The following ATP8A2 variants were observed in gnomAD, a reference collection of about 807,000 sequenced individuals.
ATP8A2 encodes the protein phospholipid-transporting ATPase IB.
In ATP8A2, 100 loss-of-function variants were observed where a neutral mutation model predicts 165.6. The observed-to-expected ratio is 0.60, with a 90% CI of 0.51 to 0.71. The LOEUF (loss-of-function observed/expected upper bound fraction) is 0.71, where lower values mean the gene tolerates loss of function less well. Among genes scored for constraint, ATP8A2 ranks in the 30% least tolerant of loss-of-function variants. The probability of loss-of-function intolerance (pLI) is 0.00; values close to 1 mark genes in which losing one functional copy is unlikely to be tolerated. For missense variants in ATP8A2, 1,227 were observed against 1,479.5 expected (o/e 0.83, Z 2.80); for synonymous variants, 543 against 548.8 (o/e 0.99, Z 0.15).
At chr13:25,611,285 TTGTC>T (rs1316497052) in intron 24 of ATP8A2, among the ~76,000 whole-genome samples, 1 of 152,152 alleles carries the variant, frequency 6.6e-6, no homozygotes, top group Non-Finnish European at 1.5e-5. Flanking sequence ...GACTGTGGGT[TTGTC>T]ATAGATGACT....
rs1317587688 is a variant in ATP8A2, at chr13:25,543,282, T to A, written c.780-9T>A. The A allele has an allele frequency of 6.4e-7, 1 of 1,551,118 alleles. No individual in the cohort carries two copies. Among genetic ancestry groups the A allele is most frequent in the Admixed American group, 1.7e-5 (1 of 57,640 alleles). ...ATCATTAAATATCATTGTTGTTTTT[T>A]ATTTTTAGCCTTGTTGCCCTTGGGC... On this transcript the variant is annotated splice_polypyrimidine_tract_variant and intron_variant, in intron 9 of 36. Transcript: ENST00000381655.
intron 1 of ATP8A2, among the ~76,000 whole-genome samples, chr13:25,394,501 C>T (rs1369343055): frequency 2.6e-5 from 4 of 152,168 alleles, no homozygotes; most frequent in African/African-American, 4.8e-5. Context: ...GCTGTGCCCC[C>T]GAGCCTGAGG....
rs184627689 is a variant in ATP8A2 at position 25,526,644 on chromosome 13, G to A, written c.222-3355G>A. On this transcript the variant is annotated intron_variant, in intron 2 of 36. Transcript: ENST00000381655. ...TAGCAATGTGGGAAGGTGAATTAGG[G>A]GTTTGTGCTCAGGGGACCTGTGGGA... Among the ~76,000 whole-genome samples, 1,205 of 152,286 alleles carry A rather than the reference G, an allele frequency of 7.9e-3. 5 individuals carry two copies. The highest frequency in any genetic ancestry group is 0.014 in the Middle Eastern group (4 of 294).
chr13:25,495,080 T>A (rs1163366605), intron 2 of ATP8A2, among the ~76,000 whole-genome samples: 3 of 152,226 alleles, frequency 2.0e-5, no homozygotes, highest in Admixed American at 2.0e-4. Flanking sequence ...CCACCTTGGT[T>A]GTTGTTCCTG....
chr13:25,512,943 G>A (rs1182830423), intron 2 of ATP8A2, among the ~76,000 whole-genome samples: 1 of 146,216 alleles, frequency 6.8e-6, no homozygotes, highest in Non-Finnish European at 1.5e-5. Flanking sequence ...GGATGGGGCG[G>A]CTGGCCGGGT....
intron 25 of ATP8A2, among the ~76,000 whole-genome samples, chr13:25,755,317 G>A (rs940358657): frequency 7.2e-5 from 11 of 152,150 alleles, no homozygotes. Context: ...GAGGCATACT[G>A]ACCCTGCCAA....
intron 24 of ATP8A2, among the ~76,000 whole-genome samples, chr13:25,694,821 C>T (rs911957590): frequency 2.0e-5 from 3 of 152,140 alleles, no homozygotes; most frequent in Non-Finnish European, 2.9e-5. Context: ...CAGGCATGCA[C>T]CATCATGCCT....
chr13:25,687,539 T>TAG (rs1468055155), intron 24 of ATP8A2, among the ~76,000 whole-genome samples: 1 of 152,140 alleles, frequency 6.6e-6, no homozygotes, highest in Non-Finnish European at 1.5e-5. Context: ...AGGGGAGCAG[T>TAG]AGGCAGCTCT....
At chr13:25,810,125 T>C (rs1249149707) in intron 27 of ATP8A2, among the ~76,000 whole-genome samples, 2 of 152,218 alleles carry the variant, frequency 1.3e-5, no homozygotes, top group East Asian at 3.8e-4. Flanking sequence ...CAGCTTTTGG[T>C]AGTCTCTAAC....
At chr13:25,554,136 T>C (rs1457121239) in intron 12 of ATP8A2, among the ~76,000 whole-genome samples, 2 of 152,204 alleles carry the variant, frequency 1.3e-5, no homozygotes, top group Admixed American at 1.3e-4. Flanking sequence ...GTTGTGAGGA[T>C]TGGTCAGAGA....
intron 24 of ATP8A2, among the ~76,000 whole-genome samples, chr13:25,661,157 A>G (rs2042041992): frequency 6.6e-6 from 1 of 152,168 alleles, no homozygotes; most frequent in African/African-American, 2.4e-5. Context: ...CTTGAAGCTC[A>G]AGGATATTGT....
intron 2 of ATP8A2, among the ~76,000 whole-genome samples, chr13:25,501,371 A>G (rs528333338): frequency 6.6e-6 from 1 of 152,238 alleles, no homozygotes; most frequent in East Asian, 1.9e-4. Context: ...TGATATGGAT[A>G]ATTTCAGTGA....
chr13:25,727,694 G>A (rs964758084), intron 25 of ATP8A2, among the ~76,000 whole-genome samples: 9 of 152,104 alleles, frequency 5.9e-5, no homozygotes, highest in Admixed American at 4.6e-4. Context: ...CACATTAAAC[G>A]TAATTGTAGA....
At chr13:25,620,757 A>G (rs2040947294) in intron 24 of ATP8A2, among the ~76,000 whole-genome samples, 1 of 152,234 alleles carries the variant, frequency 6.6e-6, no homozygotes, top group Non-Finnish European at 1.5e-5. Context: ...ATTCTTTACT[A>G]CATTTTAAGT....
chr13:25,921,494 G>A (rs966394353), intron 33 of ATP8A2, among the ~76,000 whole-genome samples: 20 of 151,602 alleles, frequency 1.3e-4, no homozygotes, highest in African/African-American at 4.4e-4. Flanking sequence ...GTGGTGGCGG[G>A]CACCTGTAGT....
chr13:25,852,839 G>A (rs1479500907), intron 30 of ATP8A2, among the ~76,000 whole-genome samples: 2 of 151,842 alleles, frequency 1.3e-5, no homozygotes, highest in African/African-American at 4.8e-5. Flanking sequence ...GGGAGGTGGA[G>A]GTTGCAGTGA....
At chr13:25,910,182 C>T (rs1954060094) in intron 33 of ATP8A2, among the ~76,000 whole-genome samples, 1 of 152,088 alleles carries the variant, frequency 6.6e-6, no homozygotes, top group Non-Finnish European at 1.5e-5. Context: ...TACTTTTTGA[C>T]AAGAAATATT....
At chr13:25,657,048 G>T (rs2041945355) in intron 24 of ATP8A2, among the ~76,000 whole-genome samples, 1 of 61,562 alleles carries the variant, frequency 1.6e-5, no homozygotes, top group Admixed American at 3.2e-4. Context: ...TCGAGACTCT[G>T]TCTCAAAAAA....
At chr13:25,963,486 A>G (rs1030981324) in intron 34 of ATP8A2, among the ~76,000 whole-genome samples, 2 of 152,216 alleles carry the variant, frequency 1.3e-5, no homozygotes, top group African/African-American at 4.8e-5. Flanking sequence ...AATAGGCCCA[A>G]TTGTGACACA....
Sources: gnomAD v4.1 joint callset for allele counts (sites outside exome capture counted in the v4.1 genomes callset) on GRCh38, gnomAD v4.1.1 for gene constraint, MANE v1.5 for transcripts, NCBI Gene and HGNC (gene_info 2026-07-23, HGNC 2026-07-21) for gene names.